PTPRN2: variants seen among roughly 807,000 people sequenced by gnomAD.
PTPRN2 encodes the protein receptor-type tyrosine-protein phosphatase N2.
PTPRN2 carries 74 observed loss-of-function variants against 118.8 expected under a neutral mutation model. That is an observed-to-expected ratio of 0.62 (90% CI 0.52 to 0.76). The LOEUF (loss-of-function observed/expected upper bound fraction) is 0.76. Among genes scored for constraint, PTPRN2 ranks in the 30% least tolerant of loss-of-function variants. The pLI is 0.00. For synonymous variants in PTPRN2, 641 were observed against 608.0 expected (o/e 1.05, Z -0.80); for missense variants, 1,481 against 1,394.4 (o/e 1.06, Z -0.99).
At chr7:157,991,359 C>G (rs1432992500) in intron 11 of PTPRN2, among the ~76,000 whole-genome samples, 1 of 152,270 alleles carries the variant, frequency 6.6e-6, no homozygotes, top group African/African-American at 2.4e-5. Context: ...TAACCAGGAA[C>G]AGATTCTCTT....
chr7:157,658,552 G>A (rs1349766485), intron 13 of PTPRN2, among the ~76,000 whole-genome samples: 1 of 152,174 alleles, frequency 6.6e-6, no homozygotes, highest in African/African-American at 2.4e-5. Context: ...TATGGGACCC[G>A]CCTGCAGGCA....
intron 2 of PTPRN2, among the ~76,000 whole-genome samples, chr7:158,350,227 G>A (rs930792043): frequency 7.2e-5 from 11 of 152,268 alleles, no homozygotes; most frequent in Middle Eastern, 3.4e-3. Context: ...GTTGCTGCCC[G>A]AGGAGAGATG....
At chr7:157,574,645 G>A (rs1277053258) in intron 19 of PTPRN2, among the ~76,000 whole-genome samples, 1 of 152,132 alleles carries the variant, frequency 6.6e-6, no homozygotes, top group Non-Finnish European at 1.5e-5. Context: ...CACACATCTC[G>A]GTGCCTGGCG....
chr7:157,753,866 C>T (rs894070976), intron 12 of PTPRN2, among the ~76,000 whole-genome samples: 1 of 152,192 alleles, frequency 6.6e-6, no homozygotes, highest in African/African-American at 2.4e-5. Flanking sequence ...GAACCAAAGC[C>T]ACCTAGCACA....
intron 6 of PTPRN2, among the ~76,000 whole-genome samples, chr7:158,149,637 C>T (rs1350706116): frequency 6.6e-6 from 1 of 152,012 alleles, no homozygotes; most frequent in African/African-American, 2.4e-5. Context: ...AACCCCATCT[C>T]TACTAAAAAT....
At chr7:157,645,111 G>A (rs900748079) in intron 14 of PTPRN2, among the ~76,000 whole-genome samples, 4 of 152,258 alleles carry the variant, frequency 2.6e-5, no homozygotes, top group Non-Finnish European at 4.4e-5. Flanking sequence ...TCACTGCCAC[G>A]TCCATTTCCG....
At chr7:157,774,713 A>C (rs945052468) in intron 12 of PTPRN2, among the ~76,000 whole-genome samples, 1 of 152,148 alleles carries the variant, frequency 6.6e-6, no homozygotes, top group Non-Finnish European at 1.5e-5. Context: ...ACTCAGCCTC[A>C]TGGTACAGCA....
chr7:158,272,269 C>T (rs566493542), intron 3 of PTPRN2, among the ~76,000 whole-genome samples: 65 of 152,282 alleles, frequency 4.3e-4, no homozygotes, highest in African/African-American at 1.4e-3. Context: ...CTCCGGGGCC[C>T]GGGCAGGCCC....
chr7:158,169,686 T>A (rs978805188), intron 5 of PTPRN2, among the ~76,000 whole-genome samples: 1 of 151,986 alleles, frequency 6.6e-6, no homozygotes, highest in African/African-American at 2.4e-5. Context: ...TCGGACATTA[T>A]CTCTAAGATT....
At chr7:158,470,790 T>C (rs1819796181) in intron 2 of PTPRN2, among the ~76,000 whole-genome samples, 1 of 151,900 alleles carries the variant, frequency 6.6e-6, no homozygotes, top group Non-Finnish European at 1.5e-5. Context: ...TACAGTGAAA[T>C]GCGTGACCTT....
chr7:158,073,991 C>T (rs1048886980), intron 11 of PTPRN2, among the ~76,000 whole-genome samples: 5 of 152,294 alleles, frequency 3.3e-5, no homozygotes, highest in African/African-American at 4.8e-5. Flanking sequence ...TGGGCTAGGA[C>T]GGCTACCACA....
At position 158,454,015 on chromosome 7, in the gene PTPRN2, G is replaced by A. The variant is rs61084123; in HGVS notation, c.163+35720C>T. 3.5e-4 allele frequency among the ~76,000 whole-genome samples: 41 copies of A among 116,412 alleles called. No individual in the cohort carries two copies. The East Asian group carries it at 5.2e-3, about 15-fold the overall frequency. The allele number at this position is 116,412 out of a possible 152,430, so 76.4% of individuals were successfully genotyped here. A position where few individuals can be genotyped will look rare whatever the true frequency, so the allele number is the denominator to read the frequency against. Reference sequence around the variant, plus strand: ...ACAAGACACAACGCACACAATCACCGATGTCAGGATTGGGGATGGTTGCTA... The same window carrying A: ...ACAAGACACAACGCACACAATCACCAATGTCAGGATTGGGGATGGTTGCTA... On this transcript the variant is annotated intron_variant, in intron 2 of 22. Coordinates refer to ENST00000389418, the MANE Select transcript of PTPRN2 (RefSeq NM_002847.5).
chr7:158,406,149 C>T (rs1041767480), intron 2 of PTPRN2, among the ~76,000 whole-genome samples: 3 of 122,006 alleles, frequency 2.5e-5, no homozygotes, highest in Non-Finnish European at 5.5e-5. Context: ...TGGCCGCACA[C>T]TGAGATCCCG....
rs112036047 is a variant in PTPRN2, at chr7:157,978,430, C to T, written c.1724-79693G>A. 3.9e-5 allele frequency among the ~76,000 whole-genome samples: 6 copies of T among 152,138 alleles called. No homozygotes were observed. In the East Asian group the frequency reaches 7.7e-4, roughly 20 times the overall value. On this transcript the variant is annotated intron_variant, in intron 11 of 22. Coordinates refer to ENST00000389418, the MANE Select transcript of PTPRN2 (RefSeq NM_002847.5). The stretch of plus-strand genomic sequence containing the variant: ...TTCCTAAGCAAAGCCAGGGACCATT[C>T]GGGAAATTGTTTAGCAATGCTCTGA...
At chr7:158,111,303 C>T (rs1816250228) in intron 9 of PTPRN2, among the ~76,000 whole-genome samples, 1 of 152,166 alleles carries the variant, frequency 6.6e-6, no homozygotes, top group South Asian at 2.1e-4. Flanking sequence ...TGAACCAGGC[C>T]CCAGTGAGGG....
At chr7:158,492,574 G>T (rs1479018888) in intron 1 of PTPRN2, among the ~76,000 whole-genome samples, 1 of 152,252 alleles carries the variant, frequency 6.6e-6, no homozygotes, top group East Asian at 1.9e-4. Context: ...AGAAGTGACA[G>T]TGGAAAACCT....
At chr7:157,885,501 G>A (rs542193061) in intron 12 of PTPRN2, among the ~76,000 whole-genome samples, 4 of 152,302 alleles carry the variant, frequency 2.6e-5, no homozygotes, top group Admixed American at 6.5e-5. Context: ...CCCGCCTGAC[G>A]CTGGAAACAA....
rs551479459 is a variant in PTPRN2, at chr7:157,653,340, G to A, written c.2196+3017C>T. ...TCAGGTGAGGGGCACTGAGGTGGCC[G>A]GTTGGGTGTCTGGCGGAAACGAGGC... On this transcript the variant is annotated intron_variant, in intron 14 of 22. Coordinates refer to ENST00000389418, the MANE Select transcript of PTPRN2 (RefSeq NM_002847.5). Among the ~76,000 whole-genome samples, 6 of 152,294 alleles carry A rather than the reference G, an allele frequency of 3.9e-5. No homozygotes were observed. The South Asian group carries it at 6.2e-4, about 16-fold the overall frequency.
At chr7:157,937,218 C>T (rs958341951) in intron 11 of PTPRN2, among the ~76,000 whole-genome samples, 5 of 152,310 alleles carry the variant, frequency 3.3e-5, no homozygotes, top group African/African-American at 4.8e-5. Flanking sequence ...CGAGTGACCA[C>T]GTGAACTTGC....
Sources: gnomAD v4.1 joint callset for allele counts (sites outside exome capture counted in the v4.1 genomes callset) on GRCh38, gnomAD v4.1.1 for gene constraint, MANE v1.5 for transcripts, NCBI Gene and HGNC (gene_info 2026-07-23, HGNC 2026-07-21) for gene names.